Variants in RNF19B observed in about 807,000 individuals in gnomAD.
RNF19B encodes the protein ring finger protein 19B, also known as E3 ubiquitin-protein ligase RNF19B.
RNF19B carries 23 observed loss-of-function variants against 65.5 expected under a neutral mutation model. That is an observed-to-expected ratio of 0.35 (90% confidence interval 0.25 to 0.50). The LOEUF (loss-of-function observed/expected upper bound fraction) is 0.50. Among genes scored for constraint, RNF19B ranks in the 20% least tolerant of loss-of-function variants. The probability of loss-of-function intolerance (pLI) is 0.98; values close to 1 mark genes in which losing one functional copy is unlikely to be tolerated. For missense variants in RNF19B, 794 were observed against 980.0 expected (o/e 0.81, Z 2.53); for synonymous variants, 372 against 379.6 (o/e 0.98, Z 0.23).
At chr1:32,933,380 G>A (rs375718241), downstream of RNF19B, among the ~76,000 whole-genome samples, 2 of 151,766 alleles carry the variant, frequency 1.3e-5, no homozygotes, top group Non-Finnish European at 2.9e-5. Context: ...TCAGCCTCTC[G>A]AGTTGCTGGG....
rs184082346 is a variant in RNF19B at position 32,958,928 on chromosome 1, G to C, written c.635+5123C>G. Reference sequence around the variant, plus strand: ...TGTATTGGGATGGAGGTTGGTGTACGTGCACAAGAGGAGGGGGTGGTGTGG... The same window carrying C: ...TGTATTGGGATGGAGGTTGGTGTACCTGCACAAGAGGAGGGGGTGGTGTGG... On this transcript the variant is annotated intron_variant, in intron 1 of 8. Transcript: ENST00000235150. Among the ~76,000 whole-genome samples, 42 of 152,214 alleles carry C rather than the reference G, an allele frequency of 2.8e-4. No homozygotes were observed. In the East Asian group the frequency reaches 6.4e-3, roughly 23 times the overall value.
intron 1 of RNF19B, among the ~76,000 whole-genome samples, chr1:32,957,895 T>C (rs916886357): frequency 3.2e-4 from 49 of 152,232 alleles, no homozygotes; most frequent in African/African-American, 1.2e-3. Context: ...CTTATCTCTT[T>C]CATCTCTATT....
intron 1 of RNF19B, among the ~76,000 whole-genome samples, chr1:32,959,662 T>G (rs1642722995): frequency 6.6e-6 from 1 of 152,148 alleles, no homozygotes; most frequent in Non-Finnish European, 1.5e-5. Flanking sequence ...AAAAATCAGT[T>G]ATTTGTATTT....
intron 1 of RNF19B, among the ~76,000 whole-genome samples, chr1:32,958,213 T>C (rs548661950): frequency 9.6e-4 from 146 of 152,292 alleles, no homozygotes; most frequent in South Asian, 3.1e-3. Context: ...TGATCTAAAT[T>C]GGGGAAATTA....
chr1:32,946,405 C>T lies in RNF19B; in HGVS notation c.1143G>A (p.Arg381=). The change falls in exon 4 of 9, where the codon AGG becomes AGA. Residue 381 remains arginine, a synonymous_variant. Transcript: ENST00000235150. The part of the protein sequence containing the change: ...MVIGIPVYVG[R]KIHSRYEGRK... ...GAAACCAGCATGTCTTTCTTACCTT[C>T]CTTCCAACATAAACAGGAATGCCAA... The T allele has an allele frequency of 6.2e-7, 1 of 1,613,584 alleles. No individual in the cohort carries two copies. Among genetic ancestry groups the T allele is most frequent in the Non-Finnish European group, 8.5e-7 (1 of 1,179,748 alleles).
At chr1:32,932,541 G>A (rs1350639516), downstream of RNF19B, among the ~76,000 whole-genome samples, 1 of 152,150 alleles carries the variant, frequency 6.6e-6, no homozygotes, top group African/African-American at 2.4e-5. Flanking sequence ...TGCAGCATAC[G>A]AAGGTACATT....
In RNF19B at chr1:32,946,439, G is replaced by A. The variant is rs1642369030; in HGVS notation, c.1109C>T (p.Ala370Val). Residue 370 changes from alanine (A) to valine (V), a missense_variant, in exon 4 of 9, where the codon GCC becomes GTC. Physicochemically the swap from Ala to Val is moderately conservative, Grantham distance 64. Transcript: ENST00000235150. ...ATAAACAGGAATGCCAATGACCATG[G>A]CAGGAATGGCAATGCCAGCAATGAG... ...ISLIAGIAIP[A>V]MVIGIPVYVG... 1 of 1,613,920 alleles carries A rather than the reference G, an allele frequency of 6.2e-7. No individual in the cohort carries two copies. The highest frequency in any genetic ancestry group is 8.5e-7 in the Non-Finnish European group (1 of 1,179,892).
At chr1:32,946,649 C>A (rs1642373361) in intron 3 of RNF19B, 85 bp from the exon 4 acceptor site, 1 of 1,200,748 alleles carries the variant, frequency 8.3e-7, no homozygotes, top group Middle Eastern at 2.0e-4. Context: ...CAACAGCCTT[C>A]TTTTCAGTAA....
At chr1:32,944,838 G>A (rs1347868768) in intron 5 of RNF19B, among the ~76,000 whole-genome samples, 1 of 151,952 alleles carries the variant, frequency 6.6e-6, no homozygotes, top group Non-Finnish European at 1.5e-5. Flanking sequence ...ACAGGCACCC[G>A]CTACCACACC....
intron 3 of RNF19B, among the ~76,000 whole-genome samples, chr1:32,947,740 C>G (rs1642399851): frequency 6.6e-6 from 1 of 151,652 alleles, no homozygotes; most frequent in Admixed American, 6.6e-5. Flanking sequence ...GGTCACAACT[C>G]TAGCCTCAAG....
intron 1 of RNF19B, among the ~76,000 whole-genome samples, chr1:32,954,476 C>G (rs537850025): frequency 2.0e-5 from 3 of 151,772 alleles, no homozygotes; most frequent in Admixed American, 2.0e-4. Context: ...CAGTCACTCA[C>G]GCCTGTAATC....
At chr1:32,930,622 A>T in the RNF19B span, among the ~76,000 whole-genome samples, 1 of 151,682 alleles carries the variant, frequency 6.6e-6, no homozygotes, top group Non-Finnish European at 1.5e-5. Context: ...TGCCCAGGCT[A>T]GTTTCAAACT....
chr1:32,933,684 G>A (rs1276235132), downstream of RNF19B, among the ~76,000 whole-genome samples: 1 of 152,134 alleles, frequency 6.6e-6, no homozygotes, highest in Admixed American at 6.5e-5. Context: ...TGGCCTAGAG[G>A]TCTAGGCTTC....
chr1:32,952,599 G>A (rs6660261), intron 1 of RNF19B, among the ~76,000 whole-genome samples: 38,776 of 150,132 alleles, frequency 0.26, 6,198 homozygotes, highest in East Asian at 0.37. Context: ...AAAATTAGCT[G>A]GGCATGGTGG....
At chr1:32,951,119 G>A (rs961299701) in intron 1 of RNF19B, among the ~76,000 whole-genome samples, 1 of 152,226 alleles carries the variant, frequency 6.6e-6, no homozygotes, top group African/African-American at 2.4e-5. Flanking sequence ...TTACAGGCGT[G>A]AGCCACTGCA....
At position 32,964,501 on chromosome 1, in the gene RNF19B, T is replaced by G. The variant is rs113840389; in HGVS notation, c.185A>C (p.Gln62Pro). The G allele has an allele frequency of 1, 956,984 of 957,308 alleles. 478,330 individuals are homozygous for G. Among genetic ancestry groups the G allele is most frequent in the Middle Eastern group, 1 (1,876 of 1,876 alleles). The allele number at this position is 957,308 out of a possible 1,614,324, so 59.3% of individuals were successfully genotyped here. Residue 62 changes from glutamine to proline, a missense_variant, in exon 1 of 9, where the codon CAG becomes CCG. Around this residue, in one of 3 missense-constraint regions of RNF19B, gnomAD observed 374 missense variants for 423.8 expected, o/e 0.88. Coordinates refer to ENST00000235150, the MANE Select transcript of RNF19B (RefSeq NM_001300826.2). The surrounding 1 kb of genome is among the most constrained non-coding windows in gnomAD (Gnocchi z 6.5). Reference sequence around the variant, plus strand: ...GGCAGGGGCCGGGGCGGGCGGCGGCTGCGCAGCCGGGGGCGGCGGCTCGGC... The same window carrying G: ...GGCAGGGGCCGGGGCGGGCGGCGGCGGCGCAGCCGGGGGCGGCGGCTCGGC... ...PQAEPPPPAA[Q>P]PPPAPAPAAA... is the part of the protein sequence containing the mutation.
chr1:32,951,328 T>C (rs1642492894), intron 1 of RNF19B, among the ~76,000 whole-genome samples: 1 of 152,234 alleles, frequency 6.6e-6, no homozygotes, highest in Non-Finnish European at 1.5e-5. Context: ...CAACGCCCCT[T>C]TGCAGATGCA....
At chr1:32,950,594 G>A (rs546426525) in intron 1 of RNF19B, among the ~76,000 whole-genome samples, 2 of 151,676 alleles carry the variant, frequency 1.3e-5, no homozygotes, top group African/African-American at 2.4e-5. Context: ...GTCACCCAGG[G>A]TGGAATGCAG....
chr1:32,941,746 T>C (rs1642237329), intron 7 of RNF19B, among the ~76,000 whole-genome samples: 1 of 151,772 alleles, frequency 6.6e-6, no homozygotes, highest in South Asian at 2.1e-4. Flanking sequence ...GAAAGAACAA[T>C]GAACTTTGCA....
Sources: gnomAD v4.1 joint callset for allele counts (sites outside exome capture counted in the v4.1 genomes callset) on GRCh38, gnomAD v4.1.1 for gene constraint, gnomAD v4.1.1 regional missense constraint, Gnocchi (gnomAD v3.1) non-coding constraint, MANE v1.5 for transcripts, NCBI Gene and HGNC (gene_info 2026-07-23, HGNC 2026-07-21) for gene names.